The following GATA4 variants were observed in gnomAD, a reference collection of about 807,000 sequenced individuals.
GATA4 encodes transcription factor GATA-4.
Under a neutral mutation model 37.9 loss-of-function variants are expected in GATA4, and 7 were observed. The observed-to-expected ratio is 0.18, with a 90% confidence interval of 0.11 to 0.35. The LOEUF (loss-of-function observed/expected upper bound fraction) is 0.35, where lower values mean the gene tolerates loss of function less well. Among genes scored for constraint, GATA4 ranks in the 10% least tolerant of loss-of-function variants. The probability of loss-of-function intolerance (pLI) is 1.00; values close to 1 mark genes in which losing one functional copy is unlikely to be tolerated. For missense variants in GATA4, 647 were observed against 653.0 expected, an observed-to-expected ratio of 0.99 and a Z score of 0.10; for synonymous variants, 372 against 292.6, an observed-to-expected ratio of 1.27 and a Z score of -2.77.
chr8:11,754,668 C>T (rs62491483), intron 4 of GATA4, among the ~76,000 whole-genome samples: 53 of 152,296 alleles, frequency 3.5e-4, no homozygotes, highest in Admixed American at 4.6e-4. Flanking sequence ...CCTTGATATC[C>T]TCACGTGCCC....
intron 2 of GATA4, among the ~76,000 whole-genome samples, chr8:11,724,525 A>G (rs1449152093): frequency 6.6e-6 from 1 of 152,180 alleles, no homozygotes; most frequent in Admixed American, 6.5e-5. Flanking sequence ...ATCTCTGAGT[A>G]ACAATAGGAA....
chr8:11,690,640 G>T (rs900064663), upstream of GATA4, among the ~76,000 whole-genome samples: 3 of 152,212 alleles, frequency 2.0e-5, no homozygotes, highest in African/African-American at 7.2e-5. Flanking sequence ...CAAGAGGGCA[G>T]TGAGAGGGTC....
chr8:11,741,705 GACA>G (rs1330721710), intron 2 of GATA4, among the ~76,000 whole-genome samples: 12 of 152,328 alleles, frequency 7.9e-5, no homozygotes, highest in African/African-American at 2.6e-4. Context: ...ATCTAATCTT[GACA>G]ATGATGAAGG....
intron 2 of GATA4, among the ~76,000 whole-genome samples, chr8:11,742,051 A>G (rs1275838856): frequency 2.6e-5 from 4 of 152,040 alleles, no homozygotes; most frequent in Non-Finnish European, 5.9e-5. Context: ...AAGCTCATGA[A>G]CTTTCCTCCA....
At chr8:11,729,354 G>C (rs1801094067) in intron 2 of GATA4, among the ~76,000 whole-genome samples, 1 of 152,070 alleles carries the variant, frequency 6.6e-6, no homozygotes, top group Non-Finnish European at 1.5e-5. Context: ...CGGATCACGA[G>C]GTCAGGAGTT....
At position 11,757,021 on chromosome 8, in the gene GATA4, C is replaced by T. The variant is rs145999237; in HGVS notation, c.1087C>T (p.Arg363Cys). The T allele has an allele frequency of 8.7e-6, 14 of 1,614,238 alleles. No individual in the cohort carries two copies. The highest frequency in any genetic ancestry group is 1.7e-5 in the Admixed American group (1 of 60,028). The change falls in exon 6 of 7, where the codon CGT becomes TGT. Residue 363 changes from arginine to cysteine, a missense_variant. By Grantham distance (180) the Arg-to-Cys change is radical. Coordinates refer to ENST00000532059, the MANE Select transcript of GATA4 (RefSeq NM_001308093.3). ...CACCACCAGCAGCAGCGAGGAGATG[C>T]GTCCCATCAAGACGGAGCCTGGCCT... ...NATTSSSEEM[R>C]PIKTEPGLSS...
chr8:11,727,544 A>T (rs1025249458), intron 2 of GATA4, among the ~76,000 whole-genome samples: 20 of 152,170 alleles, frequency 1.3e-4, no homozygotes, highest in Admixed American at 5.2e-4. Flanking sequence ...CAGGCACCTG[A>T]TTTAAAATTC....
chr8:11,749,976 A>G lies in GATA4; in HGVS notation c.787-135A>G. 8.6e-7 allele frequency: 1 copy of G among 1,162,144 alleles called. No individual in the cohort carries two copies. Among genetic ancestry groups the G allele is most frequent in the Non-Finnish European group, 1.3e-6 (1 of 794,460 alleles). 72.0% of individuals were successfully genotyped at this position (1,162,144 alleles called of 1,614,324 possible). ...GGAGAGTTAGGTGCCGTCACAGGTC[A>G]GAGATCTCATGCAGGGTCGTTAGGG... is the stretch of plus-strand genomic sequence containing the variant. On this transcript the variant is annotated intron_variant, in intron 3 of 6. Coordinates refer to ENST00000532059, the MANE Select transcript of GATA4 (RefSeq NM_001308093.3). This position sits in a 1 kb window ranked among gnomAD's most constrained non-coding sequence, Gnocchi z 4.6.
At chr8:11,731,257 T>G (rs1563214986) in intron 2 of GATA4, among the ~76,000 whole-genome samples, 1 of 152,240 alleles carries the variant, frequency 6.6e-6, no homozygotes, top group Non-Finnish European at 1.5e-5. Flanking sequence ...TTATTCCCAA[T>G]GTTTATTTTC....
chr8:11,684,826 T>C, intron 1 of GATA4, among the ~76,000 whole-genome samples: 1 of 152,228 alleles, frequency 6.6e-6, no homozygotes, highest in Non-Finnish European at 1.5e-5. Context: ...ATACATCTAC[T>C]GAGAGGTAGA....
At chr8:11,683,269 G>A (rs1799034498) in intron 1 of GATA4, among the ~76,000 whole-genome samples, 1 of 152,220 alleles carries the variant, frequency 6.6e-6, no homozygotes, top group African/African-American at 2.4e-5. Context: ...CTGGCCCTGG[G>A]AGGCGCAGAG....
At position 11,708,692 on chromosome 8, in the gene GATA4, G is replaced by A; in HGVS notation, c.380G>A (p.Arg127Gln). The A allele has an allele frequency of 1.6e-6, 2 of 1,276,882 alleles. No individual in the cohort carries two copies. Among genetic ancestry groups the A allele is most frequent in the South Asian group, 5.4e-5 (2 of 36,830 alleles). The allele number at this position is 1,276,882 out of a possible 1,614,324, so 79.1% of individuals were successfully genotyped here. Residue 127 changes from arginine (R) to glutamine (Q), a missense_variant, in exon 2 of 7, where the codon CGG (arginine) becomes CAG (glutamine). Physicochemically the swap from Arg to Gln is conservative, Grantham distance 43 (BLOSUM62 1). This residue lies in a region of GATA4 where 379 missense variants were observed against 334.5 expected (regional missense o/e 1.13). Coordinates refer to ENST00000532059, the MANE Select transcript of GATA4 (RefSeq NM_001308093.3). The surrounding 1 kb of genome is among the most constrained non-coding windows in gnomAD (Gnocchi z 6.7). ...LAAAAAAAAA[R>Q]EAAAYSSGGG... is the part of the protein sequence containing the mutation. The stretch of plus-strand genomic sequence containing the variant: ...GCCGCCGCCGCCGCTGCCGCGGCCC[G>A]GGAAGCTGCGGCCTACAGCAGTGGC...
chr8:11,722,284 T>C (rs969548863), intron 2 of GATA4, among the ~76,000 whole-genome samples: 19 of 152,242 alleles, frequency 1.2e-4, no homozygotes, highest in African/African-American at 4.3e-4. Context: ...CCACACAGTG[T>C]TATTTTGAAG....
chr8:11,756,097 C>T lies in GATA4; in HGVS notation c.1001-838C>T, dbSNP rs144663173. On this transcript the variant is annotated intron_variant, in intron 5 of 6. Coordinates refer to ENST00000532059, the MANE Select transcript of GATA4 (RefSeq NM_001308093.3). ...GTTCCCTACCAAAACATTCCTCACTCAGTACTGCTACCCAGTTAAAGATTT... is the reference window on the plus strand; with the variant it reads ...GTTCCCTACCAAAACATTCCTCACTTAGTACTGCTACCCAGTTAAAGATTT... 8.0e-4 allele frequency among the ~76,000 whole-genome samples: 122 copies of T among 152,232 alleles called. 1 individual carries two copies. Among genetic ancestry groups the T allele is most frequent in the African/African-American group, 2.8e-3 (117 of 41,550 alleles).
In GATA4 at chr8:11,759,743, C is replaced by T. The variant is rs76841597; in HGVS notation, c.*1268C>T. ...ATGCTGGAGCTCAAGGAGACTCCTTCCTCTTTCTCAGCAGAGCTGTAGCTG... is the reference window on the plus strand; with the variant it reads ...ATGCTGGAGCTCAAGGAGACTCCTTTCTCTTTCTCAGCAGAGCTGTAGCTG... On this transcript the variant is annotated 3_prime_UTR_variant, in exon 7 of 7. Coordinates refer to ENST00000532059, the MANE Select transcript of GATA4 (RefSeq NM_001308093.3). 6.6e-6 allele frequency: 1 copy of T among 152,310 alleles called. No homozygotes were observed. Among genetic ancestry groups the T allele is most frequent in the Non-Finnish European group, 1.5e-5 (1 of 68,090 alleles). The allele number at this position is 152,310 out of a possible 1,614,324, so 9.4% of individuals were successfully genotyped here.
intron 1 of GATA4, among the ~76,000 whole-genome samples, chr8:11,698,802 G>A (rs1402544464): frequency 6.6e-6 from 1 of 152,094 alleles, no homozygotes; most frequent in Non-Finnish European, 1.5e-5. Flanking sequence ...AGGACCTGGG[G>A]ACCCCGGGGT....
intron 4 of GATA4, among the ~76,000 whole-genome samples, chr8:11,752,060 A>T (rs1802330556): frequency 6.6e-6 from 1 of 152,264 alleles, no homozygotes; most frequent in Non-Finnish European, 1.5e-5. Context: ...TGGTTGAAAA[A>T]ATTCTGCTAT....
chr8:11,753,177 C>T (rs11250164), intron 4 of GATA4, among the ~76,000 whole-genome samples: 38,249 of 151,988 alleles, frequency 0.25, 5,150 homozygotes, highest in Middle Eastern at 0.3. Flanking sequence ...GAGAAATGAA[C>T]GGATAAACAC....
chr8:11,715,846 C>A (rs1800412867), intron 2 of GATA4, among the ~76,000 whole-genome samples: 1 of 152,168 alleles, frequency 6.6e-6, no homozygotes. Flanking sequence ...AACTTAAACT[C>A]TGCCCATTAA....
Sources: allele counts gnomAD v4.1 joint callset (sites outside exome capture counted in the v4.1 genomes callset), GRCh38; gene constraint gnomAD v4.1.1; regional missense constraint gnomAD v4.1.1; non-coding constraint Gnocchi (gnomAD v3.1); transcripts MANE v1.5; gene names NCBI Gene and HGNC (gene_info 2026-07-23, HGNC 2026-07-21).